Variants in MIR2052HG observed in about 807,000 individuals in gnomAD.
MIR2052HG encodes the protein MIR2052 host gene.
At chr8:74,709,116 T>C (rs1017968596) in intron 4 of MIR2052HG, among the ~76,000 whole-genome samples, 9 of 152,126 alleles carry the variant, frequency 5.9e-5, no homozygotes, top group South Asian at 4.1e-4. Flanking sequence ...TTGCTAAGTG[T>C]TGAGTGAGCT....
chr8:74,752,302 A>C (rs999547986), intron 4 of MIR2052HG: 12 of 279,830 alleles, frequency 4.3e-5, no homozygotes, highest in Admixed American at 9.6e-5. Context: ...AAAAAAAAAA[A>C]GTATAGGATT....
intron 2 of MIR2052HG, among the ~76,000 whole-genome samples, chr8:74,621,662 C>T (rs1036465335): frequency 3.3e-5 from 5 of 152,124 alleles, no homozygotes; most frequent in African/African-American, 1.2e-4. Flanking sequence ...TTGTGTCCAC[C>T]TGGTCCCATG....
chr8:74,652,699 AAC>A (rs1808765700), intron 2 of MIR2052HG, among the ~76,000 whole-genome samples: 1 of 152,198 alleles, frequency 6.6e-6, no homozygotes, highest in South Asian at 2.1e-4. Flanking sequence ...CTTATCACAT[AAC>A]ACATATCTAT....
chr8:74,603,706 A>G (rs879129612), intron 1 of MIR2052HG: 15 of 931,462 alleles, frequency 1.6e-5, no homozygotes, highest in South Asian at 6.5e-5. Context: ...GGAAGGCTTG[A>G]GCTGGTACGG....
chr8:74,631,020 T>G (rs942097502), intron 2 of MIR2052HG, among the ~76,000 whole-genome samples: 1 of 152,272 alleles, frequency 6.6e-6, no homozygotes, highest in South Asian at 2.1e-4. Context: ...TTCTCCATTT[T>G]CCACATATCC....
intron 4 of MIR2052HG, among the ~76,000 whole-genome samples, chr8:74,704,828 A>G (rs1294638436): frequency 3.3e-5 from 5 of 152,122 alleles, no homozygotes; most frequent in African/African-American, 9.7e-5. Flanking sequence ...AGAAAAATAC[A>G]TATTGGCAAC....
intron 2 of MIR2052HG, among the ~76,000 whole-genome samples, chr8:74,629,373 A>G (rs780919970): frequency 2.0e-4 from 31 of 152,012 alleles, no homozygotes; most frequent in Non-Finnish European, 3.2e-4. Flanking sequence ...AAACAAGCAG[A>G]GAGGGGCACT....
At chr8:74,655,144 G>A (rs1472017723) in intron 2 of MIR2052HG, among the ~76,000 whole-genome samples, 1 of 152,118 alleles carries the variant, frequency 6.6e-6, no homozygotes, top group African/African-American at 2.4e-5. Context: ...GGTGACTTTG[G>A]TGCTGTTAAA....
chr8:74,735,592 G>C (rs1490993752), intron 4 of MIR2052HG, among the ~76,000 whole-genome samples: 1 of 152,172 alleles, frequency 6.6e-6, no homozygotes, highest in Admixed American at 6.5e-5. Flanking sequence ...ACAATGTGAG[G>C]CTGCCTGAAC....
intron 4 of MIR2052HG, among the ~76,000 whole-genome samples, chr8:74,738,135 A>ATCTATCTG (rs1404091206): frequency 1.1e-4 from 17 of 150,800 alleles, no homozygotes; most frequent in East Asian, 5.9e-4. Context: ...GTATGTATGT[A>ATCTATCTG]TCTATCTATC....
intron 4 of MIR2052HG, among the ~76,000 whole-genome samples, chr8:74,711,487 A>C: frequency 6.6e-6 from 1 of 152,156 alleles, no homozygotes; most frequent in East Asian, 1.9e-4. Flanking sequence ...CCTCAATTCC[A>C]TGTATAAGAC....
At chr8:74,729,887 G>C (rs1275784030) in intron 4 of MIR2052HG, among the ~76,000 whole-genome samples, 4 of 152,102 alleles carry the variant, frequency 2.6e-5, no homozygotes, top group Non-Finnish European at 5.9e-5. Context: ...TGTGCTCTAT[G>C]GTTGTAAATG....
At chr8:74,668,537 T>A (rs573829884) in intron 2 of MIR2052HG, among the ~76,000 whole-genome samples, 46 of 152,334 alleles carry the variant, frequency 3.0e-4, no homozygotes, top group African/African-American at 1.1e-3. Flanking sequence ...CTCAGCTTTC[T>A]CTGCTTTTCT....
chr8:74,656,440 T>A (rs1214060609), intron 2 of MIR2052HG, among the ~76,000 whole-genome samples: 3 of 152,192 alleles, frequency 2.0e-5, no homozygotes, highest in Admixed American at 6.5e-5. Flanking sequence ...GTCTTTCCTG[T>A]ACTATTCTTG....
At chr8:74,683,927 G>GTCCT (rs1264400559) in intron 2 of MIR2052HG, among the ~76,000 whole-genome samples, 2 of 151,994 alleles carry the variant, frequency 1.3e-5, no homozygotes, top group Admixed American at 6.6e-5. Flanking sequence ...ACCTCAAGAT[G>GTCCT]TCCTGGTGGT....
chr8:74,744,471 C>T (rs111252843), intron 4 of MIR2052HG, among the ~76,000 whole-genome samples: 7 of 151,172 alleles, frequency 4.6e-5, no homozygotes, highest in African/African-American at 1.5e-4. Context: ...GCTATCCGTC[C>T]CCCCTCCCCC....
At chr8:74,653,830 A>G (rs912704596) in intron 2 of MIR2052HG, among the ~76,000 whole-genome samples, 1 of 152,212 alleles carries the variant, frequency 6.6e-6, no homozygotes, top group Non-Finnish European at 1.5e-5. Flanking sequence ...ACATTCCCAT[A>G]ATGTTACAGT....
rs1809127924 is a variant in MIR2052HG, at chr8:74,681,795, T to C, written n.217-20584T>C. On this transcript the variant is annotated intron_variant and non_coding_transcript_variant, in intron 2 of 6. Coordinates refer to ENST00000523442, the Ensembl canonical transcript of MIR2052HG. ...CCATGAGTCAAATAAACTTCTGTTC[T>C]ATTTATAAGTTACTTAGCTTGTGGT... 3.3e-5 allele frequency among the ~76,000 whole-genome samples: 5 copies of C among 152,320 alleles called. 1 individual carries two copies. In the South Asian group the frequency reaches 1.0e-3, roughly 32 times the overall value.
At chr8:74,634,518 A>T (rs16938929) in intron 2 of MIR2052HG, among the ~76,000 whole-genome samples, 11,571 of 151,668 alleles carry the variant, frequency 0.076, 598 homozygotes, top group African/African-American at 0.14. Flanking sequence ...TTCACCTTAA[A>T]TTTTTTTTTG....
Sources: gnomAD v4.1 joint callset for allele counts (sites outside exome capture counted in the v4.1 genomes callset) on GRCh38, gnomAD v4.1.1 for gene constraint, MANE v1.5 for transcripts, NCBI Gene and HGNC (gene_info 2026-07-23, HGNC 2026-07-21) for gene names.